The following ZNF544 variants were observed in gnomAD, a reference collection of about 807,000 sequenced individuals.
ZNF544 encodes zinc finger protein AF020591.
A neutral mutation model predicts 13.5 loss-of-function variants in ZNF544; 10 were observed. The ratio of observed to expected loss-of-function variants is 0.74; its 90% confidence interval spans 0.46 to 1.25. The LOEUF (loss-of-function observed/expected upper bound fraction) is 1.25. Ranked by LOEUF, ZNF544 falls within the 50% of genes most tolerant of loss-of-function variation. The pLI is 0.00. For missense variants in ZNF544, 896 were observed against 845.6 expected (o/e 1.06, Z -0.74); for synonymous variants, 323 against 300.5 (o/e 1.07, Z -0.77).
chr19:58,277,209 C>T (rs142583076), exon 7 of ZNF544: 3 of 1,230,838 alleles, frequency 2.4e-6, no homozygotes, highest in African/African-American at 1.6e-5. Flanking sequence ...AAAGCAGAGA[C>T]GGTACAGGGC....
chr19:58,240,645 C>T (rs1205767076), intron 3 of ZNF544, among the ~76,000 whole-genome samples: 1 of 151,908 alleles, frequency 6.6e-6, no homozygotes, highest in Non-Finnish European at 1.5e-5. Flanking sequence ...GCCTGTGATC[C>T]CAGCTACTCA....
At chr19:58,234,182 C>T (rs1055849519) in intron 3 of ZNF544, among the ~76,000 whole-genome samples, 2 of 152,202 alleles carry the variant, frequency 1.3e-5, no homozygotes, top group African/African-American at 4.8e-5. Flanking sequence ...AGAATCTAAA[C>T]TTGTATGGGA....
intron 3 of ZNF544, 155 bp downstream of exon 3, chr19:58,230,617 G>A (rs2040997672): frequency 6.6e-6 from 1 of 152,588 alleles, no homozygotes. Flanking sequence ...ATCAGGACAA[G>A]ATAGTAACAC....
At chr19:58,264,978 G>A (rs183396522), downstream of ZNF544, among the ~76,000 whole-genome samples, 48 of 152,250 alleles carry the variant, frequency 3.2e-4, no homozygotes, top group African/African-American at 1.2e-3. Context: ...TCACACCACT[G>A]CACTCCAGCC....
At chr19:58,243,536 C>T (rs572886223) in intron 3 of ZNF544, among the ~76,000 whole-genome samples, 1 of 151,860 alleles carries the variant, frequency 6.6e-6, no homozygotes, top group Non-Finnish European at 1.5e-5. Context: ...TGTACAACAC[C>T]CCCTCCCAGA....
At chr19:58,274,242 G>A (rs1333809171) in intron 5 of ZNF544, among the ~76,000 whole-genome samples, 8 of 152,086 alleles carry the variant, frequency 5.3e-5, no homozygotes, top group Admixed American at 3.9e-4. Context: ...TCCCAAAATT[G>A]ATATGTTGAA....
intron 4 of ZNF544, among the ~76,000 whole-genome samples, chr19:58,245,472 T>C (rs1251786042): frequency 6.6e-6 from 1 of 150,522 alleles, no homozygotes; most frequent in Non-Finnish European, 1.5e-5. Flanking sequence ...TGGCTAATTT[T>C]TGTATTTTTA....
At chr19:58,232,590 A>C (rs2146438563) in intron 3 of ZNF544, among the ~76,000 whole-genome samples, 1 of 151,838 alleles carries the variant, frequency 6.6e-6, no homozygotes, top group East Asian at 1.9e-4. Context: ...AGGCTCAAGC[A>C]GTCTTCCTGC....
intron 6 of ZNF544, among the ~76,000 whole-genome samples, chr19:58,254,186 T>TG (rs1025602298): frequency 6.6e-6 from 1 of 151,622 alleles, no homozygotes; most frequent in African/African-American, 2.4e-5. Flanking sequence ...ATCACGACAC[T>TG]GCACTCCAGC....
chr19:58,261,810 C>G lies in ZNF544; in HGVS notation c.1204C>G (p.His402Asp), dbSNP rs866207424. ...TGACCTTGTCATACATCAGAGGACA[C>G]ACACTGGAGAGAAGCCCTATGAGTG... is the stretch of plus-strand genomic sequence containing the variant. Reference protein sequence around the residue: ...SYDLVIHQRTHTGEKPYECDL... With the variant: ...SYDLVIHQRTDTGEKPYECDL... The change falls in exon 7 of 7, where the codon CAC (histidine) becomes GAC (aspartate). Residue 402 changes from histidine to aspartate, a missense_variant. Coordinates refer to ENST00000687789, the MANE Select transcript of ZNF544 (RefSeq NM_014480.4). 1.2e-6 allele frequency: 2 copies of G among 1,613,846 alleles called. No homozygotes were observed. Among genetic ancestry groups the G allele is most frequent in the Admixed American group, 3.3e-5 (2 of 59,954 alleles).
chr19:58,264,797 A>C (rs1000798473), downstream of ZNF544, among the ~76,000 whole-genome samples: 3 of 152,212 alleles, frequency 2.0e-5, no homozygotes, highest in African/African-American at 7.2e-5. Flanking sequence ...ACTTGAGCCC[A>C]GTAGATTGAG....
downstream of ZNF544, among the ~76,000 whole-genome samples, chr19:58,265,496 C>T (rs1356069056): frequency 3.3e-5 from 5 of 152,086 alleles, no homozygotes; most frequent in South Asian, 2.1e-4. Context: ...AAGGTTTCAC[C>T]ATGTTAGCCA....
At chr19:58,265,138 G>C (rs2049697589), downstream of ZNF544, among the ~76,000 whole-genome samples, 1 of 152,132 alleles carries the variant, frequency 6.6e-6, no homozygotes, top group South Asian at 2.1e-4. Context: ...TACTTATCAG[G>C]GGATGTGAAA....
intron 3 of ZNF544, among the ~76,000 whole-genome samples, chr19:58,234,014 A>G (rs1324567259): frequency 6.6e-6 from 1 of 152,192 alleles, no homozygotes; most frequent in Non-Finnish European, 1.5e-5. Context: ...CAATGTAAAG[A>G]ATGAATCTGC....
At chr19:58,245,859 ACT>A in intron 4 of ZNF544, 2 of 188,650 alleles carry the variant, frequency 1.1e-5, no homozygotes, top group Admixed American at 1.1e-4. Flanking sequence ...CACTGCTGTG[ACT>A]GGCAAGAGGT....
At chr19:58,229,135 G>GC (rs35920877) in intron 1 of ZNF544, 189 bp downstream of exon 1, 1 of 152,370 alleles carries the variant, frequency 6.6e-6, no homozygotes, top group Non-Finnish European at 1.5e-5. Flanking sequence ...GATCTCTCCG[G>GC]CCTCAGGGAC....
At chr19:58,245,255 GAACAGTTCTTA>G (rs2044866187) in intron 4 of ZNF544, among the ~76,000 whole-genome samples, 1 of 149,704 alleles carries the variant, frequency 6.7e-6, no homozygotes, top group Non-Finnish European at 1.5e-5. Context: ...TCACCTTCTT[GAACAGTTCTTA>G]AACAGTTAAA....
intron 6 of ZNF544, among the ~76,000 whole-genome samples, chr19:58,250,793 G>A (rs963416779): frequency 6.6e-5 from 10 of 152,174 alleles, no homozygotes; most frequent in African/African-American, 1.9e-4. Flanking sequence ...TTTCCCCAAG[G>A]CCAAAGATTG....
chr19:58,265,347 G>A (rs1433887684), downstream of ZNF544, among the ~76,000 whole-genome samples: 1 of 151,174 alleles, frequency 6.6e-6, no homozygotes, highest in Non-Finnish European at 1.5e-5. Flanking sequence ...CCAGGCTGGA[G>A]TGCAGTGGTA....
Sources: gnomAD v4.1 joint callset for allele counts (sites outside exome capture counted in the v4.1 genomes callset) on GRCh38, gnomAD v4.1.1 for gene constraint, MANE v1.5 for transcripts, NCBI Gene and HGNC (gene_info 2026-07-23, HGNC 2026-07-21) for gene names.